Variants in CDH18 observed in about 807,000 individuals in gnomAD.
CDH18 encodes cadherin 18, also known as cadherin-18.
Under a neutral mutation model 67.9 loss-of-function variants are expected in CDH18, and 31 were observed. The ratio of observed to expected loss-of-function variants is 0.46; its 90% CI spans 0.34 to 0.62. The LOEUF is 0.62. Among genes scored for constraint, CDH18 ranks in the 20% least tolerant of loss-of-function variants. The pLI is 0.01. For synonymous variants in CDH18, 362 were observed against 347.2 expected (o/e 1.04, Z -0.48); for missense variants, 890 against 975.5 (o/e 0.91, Z 1.17).
At chr5:19,662,503 C>T (rs1408868464) in intron 5 of CDH18, among the ~76,000 whole-genome samples, 3 of 151,972 alleles carry the variant, frequency 2.0e-5, no homozygotes, top group Non-Finnish European at 4.4e-5. Context: ...CTGAAAAGTA[C>T]GTAATTGTAC....
At chr5:19,700,362 C>T (rs571265509) in intron 5 of CDH18, among the ~76,000 whole-genome samples, 4 of 152,250 alleles carry the variant, frequency 2.6e-5, no homozygotes, top group East Asian at 1.9e-4. Context: ...CAATCTTATG[C>T]GACCACCATT....
intron 4 of CDH18, 76 bp downstream of exon 4, chr5:19,746,866 A>T: frequency 8.6e-7 from 1 of 1,164,122 alleles, no homozygotes; most frequent in Non-Finnish European, 1.2e-6. Flanking sequence ...ATATAAGTAA[A>T]AATTGGTATT....
chr5:19,754,415 A>G (rs1771256602), intron 3 of CDH18, among the ~76,000 whole-genome samples: 1 of 152,232 alleles, frequency 6.6e-6, no homozygotes, highest in Admixed American at 6.5e-5. Context: ...AAAAGGGCAA[A>G]GAGGGACATT....
intron 8 of CDH18, among the ~76,000 whole-genome samples, chr5:19,548,360 G>A (rs1561318479): frequency 6.6e-6 from 1 of 151,916 alleles, no homozygotes; most frequent in Non-Finnish European, 1.5e-5. Context: ...ATAAATTGAG[G>A]CTAGAAGATT....
chr5:20,178,813 T>C (rs1442859454), intron 2 of CDH18, among the ~76,000 whole-genome samples: 1 of 152,122 alleles, frequency 6.6e-6, no homozygotes, highest in African/African-American at 2.4e-5. Context: ...GATGAGACCA[T>C]GGAGGCACTG....
intron 2 of CDH18, among the ~76,000 whole-genome samples, chr5:19,915,156 A>G (rs1171283021): frequency 1.3e-5 from 2 of 152,034 alleles, no homozygotes; most frequent in East Asian, 3.9e-4. Flanking sequence ...TCTGTCTTTG[A>G]TTTCTTAGTC....
intron 2 of CDH18, among the ~76,000 whole-genome samples, chr5:19,941,654 G>A (rs1794830438): frequency 6.6e-6 from 1 of 151,952 alleles, no homozygotes; most frequent in Admixed American, 6.6e-5. Context: ...GGGCATAGTG[G>A]CACATACCTG....
chr5:20,405,053 AAT>A (rs1746110035), intron 1 of CDH18, among the ~76,000 whole-genome samples: 1 of 152,162 alleles, frequency 6.6e-6, no homozygotes, highest in Non-Finnish European at 1.5e-5. Flanking sequence ...TCAAGCTACC[AAT>A]GACTTTCTTC....
intron 2 of CDH18, among the ~76,000 whole-genome samples, chr5:20,138,205 GA>G (rs200724394): frequency 6.6e-6 from 1 of 151,836 alleles, no homozygotes; most frequent in East Asian, 1.9e-4. Flanking sequence ...CAGAACCAAA[GA>G]AAAAAACCAC....
chr5:20,458,999 A>C (rs1194305629), intron 1 of CDH18, among the ~76,000 whole-genome samples: 1 of 151,516 alleles, frequency 6.6e-6, no homozygotes, highest in Non-Finnish European at 1.5e-5. Context: ...CCTAAAAAAA[A>C]GTGTATACAT....
At chr5:20,277,221 A>G (rs1745877130) in intron 1 of CDH18, among the ~76,000 whole-genome samples, 1 of 152,116 alleles carries the variant, frequency 6.6e-6, no homozygotes, top group African/African-American at 2.4e-5. Context: ...TGCTGTCTTC[A>G]AGATTCATCC....
chr5:19,525,781 T>C (rs1197096424), intron 9 of CDH18, among the ~76,000 whole-genome samples: 1 of 152,176 alleles, frequency 6.6e-6, no homozygotes, highest in Non-Finnish European at 1.5e-5. Flanking sequence ...TCTTGTGTCC[T>C]TGGGTCAGTA....
At chr5:19,643,367 A>G (rs10036769) in intron 5 of CDH18, among the ~76,000 whole-genome samples, 108,941 of 151,590 alleles carry the variant, frequency 0.72, 39,587 homozygotes, top group South Asian at 0.8. Context: ...ATATTTTGAG[A>G]AGATAACTAT....
At position 20,177,133 on chromosome 5, in the gene CDH18, G is replaced by A. The variant is rs773918992; in HGVS notation, c.-518+78311C>T. ...TGATGAATAATATTTGACTTGTGAG[G>A]CACATCAAGTAATTTAACATGAGGT... On this transcript the variant is annotated intron_variant, in intron 2 of 14. Transcript: ENST00000507958. Among the ~76,000 whole-genome samples the A allele has an allele frequency of 4.6e-5, 7 of 152,004 alleles. No individual in the cohort carries two copies. The South Asian group carries it at 1.5e-3, about 32-fold the overall frequency.
chr5:19,848,364 G>C (rs973441677), intron 2 of CDH18, among the ~76,000 whole-genome samples: 11 of 152,086 alleles, frequency 7.2e-5, no homozygotes, highest in African/African-American at 2.7e-4. Context: ...ACCAGGGCGA[G>C]GTATTATGAT....
chr5:20,036,609 T>G (rs1004207246), intron 2 of CDH18, among the ~76,000 whole-genome samples: 1 of 152,062 alleles, frequency 6.6e-6, no homozygotes. Flanking sequence ...TAGGGATCCA[T>G]AGTGGTAGGT....
chr5:20,568,753 G>A (rs548582981), intron 1 of CDH18, among the ~76,000 whole-genome samples: 36 of 152,150 alleles, frequency 2.4e-4, no homozygotes, highest in Middle Eastern at 3.4e-3. Context: ...GAAACTGGTC[G>A]TCTTATTTAT....
chr5:19,719,835 T>C (rs1458242879), intron 5 of CDH18, among the ~76,000 whole-genome samples: 2 of 151,110 alleles, frequency 1.3e-5, no homozygotes, highest in African/African-American at 4.9e-5. Flanking sequence ...CGTTGTTTTC[T>C]TTTTAAGGTA....
intron 5 of CDH18, among the ~76,000 whole-genome samples, chr5:19,619,627 C>A (rs1750387331): frequency 6.6e-6 from 1 of 152,188 alleles, no homozygotes; most frequent in Admixed American, 6.5e-5. Flanking sequence ...ATACACCTTA[C>A]ATTTAAAGGT....
Sources: allele counts gnomAD v4.1 joint callset (sites outside exome capture counted in the v4.1 genomes callset), GRCh38; gene constraint gnomAD v4.1.1; transcripts MANE v1.5; gene names NCBI Gene and HGNC (gene_info 2026-07-23, HGNC 2026-07-21).